The following PHC2 variants were observed in gnomAD, a reference collection of about 807,000 sequenced individuals.
The protein encoded by PHC2 is polyhomeotic homolog 2.
Under a neutral mutation model 87.4 loss-of-function variants are expected in PHC2, and 29 were observed. The observed-to-expected ratio is 0.33, with a 90% CI of 0.25 to 0.45. PHC2 has a LOEUF of 0.45. Ranked by LOEUF, PHC2 falls within the 20% of genes least tolerant of loss-of-function variation. The probability of loss-of-function intolerance (pLI) is 1.00; values close to 1 mark genes in which losing one functional copy is unlikely to be tolerated. For synonymous variants in PHC2, 438 were observed against 461.7 expected (o/e 0.95, Z 0.66); for missense variants, 857 against 1,136.7 (o/e 0.75, Z 3.54).
At chr1:33,356,249 T>TTATATATATATGTATATATATA (rs1647068719) in intron 7 of PHC2, among the ~76,000 whole-genome samples, 5 of 101,534 alleles carry the variant, frequency 4.9e-5, no homozygotes, top group Non-Finnish European at 1.1e-4. Context: ...GTGAAAATTC[T>TTATATATATATGTATATATATA]TATATATATA....
chr1:33,348,265 C>T (rs904936192), intron 9 of PHC2, among the ~76,000 whole-genome samples: 55 of 152,092 alleles, frequency 3.6e-4, no homozygotes, highest in African/African-American at 1.2e-3. Flanking sequence ...GTCTGTTGCC[C>T]TGTACCAGAA....
At chr1:33,400,939 T>TAATA (rs552265652) in intron 1 of PHC2, among the ~76,000 whole-genome samples, 31 of 152,140 alleles carry the variant, frequency 2.0e-4, no homozygotes, top group African/African-American at 4.3e-4. Context: ...ACATTAAAAA[T>TAATA]AATAAATAAA....
intron 1 of PHC2, among the ~76,000 whole-genome samples, chr1:33,386,094 G>T (rs1648731488): frequency 6.6e-6 from 1 of 151,948 alleles, no homozygotes; most frequent in African/African-American, 2.4e-5. Flanking sequence ...ACTGTGCCCG[G>T]CCCAGAGTAA....
chr1:33,370,782 CCCATGTT>C (rs1347466439), intron 4 of PHC2, among the ~76,000 whole-genome samples, 197 bp from the exon 5 acceptor site: 1 of 152,148 alleles, frequency 6.6e-6, no homozygotes, highest in African/African-American at 2.4e-5. Flanking sequence ...GCAGGGGGAT[CCCATGTT>C]GAGAGAACTG....
intron 1 of PHC2, among the ~76,000 whole-genome samples, chr1:33,377,428 A>G (rs1193486402): frequency 6.6e-6 from 1 of 152,166 alleles, no homozygotes; most frequent in Non-Finnish European, 1.5e-5. Context: ...GTCTGAATAC[A>G]GAACTGGAAA....
In PHC2 at chr1:33,349,303, T is replaced by C; in HGVS notation, c.1558+5098A>G. 1.0e-6 allele frequency: 1 copy of C among 982,890 alleles called. No homozygotes were observed. The highest frequency in any genetic ancestry group is 1.2e-6 in the Non-Finnish European group (1 of 828,180). 60.9% of individuals were successfully genotyped at this position (982,890 alleles called of 1,614,324 possible). ...GAAGTCGCAGCGGCGGGGAGGCCGG[T>C]CCTAGGTTGGGGCTGGGGTGGGGTG... On this transcript the variant is annotated intron_variant, in intron 9 of 14. Coordinates refer to ENST00000683057, the MANE Select transcript of PHC2 (RefSeq NM_001385109.1). This position sits in a 1 kb window ranked among gnomAD's most constrained non-coding sequence, Gnocchi z 4.2.
At chr1:33,420,098 G>C (rs1439683927) in intron 1 of PHC2, among the ~76,000 whole-genome samples, 1 of 152,180 alleles carries the variant, frequency 6.6e-6, no homozygotes, top group Non-Finnish European at 1.5e-5. Context: ...TTTATCACTA[G>C]GGAAGGCTGA....
At position 33,349,381 on chromosome 1, in the gene PHC2, A is replaced by AG; in HGVS notation, c.1558+5019dup. On this transcript the variant is annotated intron_variant, in intron 9 of 14. Coordinates refer to ENST00000683057, the MANE Select transcript of PHC2 (RefSeq NM_001385109.1). This position sits in a 1 kb window ranked among gnomAD's most constrained non-coding sequence, Gnocchi z 4.2. ...GGCGCGCCGAGGTGACACGGCTTCC[A>AG]GGGGCGACGGGCGCGCAGGGTCCCC... 1.0e-6 allele frequency: 1 copy of AG among 985,116 alleles called. No individual in the cohort carries two copies. The highest frequency in any genetic ancestry group is 1.2e-6 in the Non-Finnish European group (1 of 829,870). 61.0% of individuals were successfully genotyped at this position (985,116 alleles called of 1,614,324 possible).
chr1:33,383,341 AAAGT>A (rs1391027782), intron 1 of PHC2, among the ~76,000 whole-genome samples: 2 of 152,220 alleles, frequency 1.3e-5, no homozygotes, highest in African/African-American at 2.4e-5. Flanking sequence ...TCTAGAAACC[AAAGT>A]AAGTAAATGA....
At chr1:33,344,358 T>C (rs1041517993) in intron 9 of PHC2, among the ~76,000 whole-genome samples, 7 of 152,218 alleles carry the variant, frequency 4.6e-5, no homozygotes, top group Non-Finnish European at 1.0e-4. Context: ...TATTGTTAGA[T>C]AAATGTCAGG....
intron 9 of PHC2, among the ~76,000 whole-genome samples, chr1:33,335,005 C>A (rs781646135): frequency 3.3e-5 from 5 of 152,148 alleles, no homozygotes; most frequent in Non-Finnish European, 5.9e-5. Context: ...CAAAATCAGT[C>A]CTCATGCCCA....
chr1:33,386,668 A>T (rs1247107795), intron 1 of PHC2, among the ~76,000 whole-genome samples: 1 of 152,166 alleles, frequency 6.6e-6, no homozygotes, highest in East Asian at 1.9e-4. Flanking sequence ...CATCTTAAAA[A>T]CAAAATCTCT....
chr1:33,378,349 A>G (rs1220753236), intron 1 of PHC2, among the ~76,000 whole-genome samples: 1 of 152,216 alleles, frequency 6.6e-6, no homozygotes, highest in East Asian at 1.9e-4. Flanking sequence ...AGGATCATCA[A>G]GCAACAAATC....
At position 33,408,357 on chromosome 1, in the gene PHC2, G is replaced by C. The variant is rs193094556; in HGVS notation, c.-55+22619C>G. Among the ~76,000 whole-genome samples, 577 of 152,320 alleles carry C rather than the reference G, an allele frequency of 3.8e-3. 5 individuals are homozygous for C. The highest frequency in any genetic ancestry group is 0.024 in the Middle Eastern group (7 of 294). On this transcript the variant is annotated intron_variant, in intron 1 of 14. Transcript: ENST00000683057. ...GCACTAGTTTGCTTCAAATGGAGCT[G>C]CACTAGTTTGCTTCACATGGATGTA...
intron 1 of PHC2, among the ~76,000 whole-genome samples, chr1:33,416,931 CTACT>C (rs1330309023): frequency 2.0e-5 from 3 of 152,072 alleles, no homozygotes; most frequent in African/African-American, 4.8e-5. Flanking sequence ...AGATAATTGA[CTACT>C]TAAAGTAATA....
intron 1 of PHC2, among the ~76,000 whole-genome samples, chr1:33,414,177 T>TCACACACACACACACACA (rs201845759): frequency 2.1e-5 from 3 of 142,856 alleles, no homozygotes; most frequent in Non-Finnish European, 3.0e-5. Context: ...TCTCTCTCTG[T>TCACACACACACACACACA]CACACACACA....
intron 13 of PHC2, among the ~76,000 whole-genome samples, chr1:33,329,492 A>G (rs1646441842): frequency 1.8e-5 from 1 of 56,844 alleles, no homozygotes; most frequent in East Asian, 3.8e-4. Context: ...GTTTAAGACA[A>G]AAAAAAAATA....
chr1:33,390,791 A>C (rs895283097), intron 1 of PHC2, among the ~76,000 whole-genome samples: 8 of 151,892 alleles, frequency 5.3e-5, no homozygotes, highest in African/African-American at 1.9e-4. Context: ...CACCCCCTCC[A>C]ACCATTAAAA....
intron 7 of PHC2, among the ~76,000 whole-genome samples, chr1:33,360,282 C>T (rs1433915386): frequency 6.6e-6 from 1 of 152,240 alleles, no homozygotes; most frequent in East Asian, 1.9e-4. Flanking sequence ...GGAAAAACTA[C>T]CAAATACTTG....
Sources: allele counts gnomAD v4.1 joint callset (sites outside exome capture counted in the v4.1 genomes callset), GRCh38; gene constraint gnomAD v4.1.1; non-coding constraint Gnocchi (gnomAD v3.1); transcripts MANE v1.5; gene names NCBI Gene and HGNC (gene_info 2026-07-23, HGNC 2026-07-21).